Variants in WRN observed in about 807,000 individuals in gnomAD.
The protein encoded by WRN is WRN RecQ like helicase, also known as bifunctional 3'-5' exonuclease/ATP-dependent helicase WRN.
In WRN, 149 loss-of-function variants were observed where a neutral mutation model predicts 180.7. The observed-to-expected ratio is 0.82, with a 90% confidence interval of 0.72 to 0.94. WRN has a LOEUF of 0.94. Ranked by LOEUF, WRN falls within the 40% of genes least tolerant of loss-of-function variation. WRN has a pLI of 0.00. For synonymous variants in WRN, 548 were observed against 568.9 expected, an observed-to-expected ratio of 0.96 and a Z score of 0.52; for missense variants, 1,661 against 1,700.1, an observed-to-expected ratio of 0.98 and a Z score of 0.40.
chr8:31,163,636 TTGAG>T (rs778084235), intron 33 of WRN, among the ~76,000 whole-genome samples: 47 of 152,270 alleles, frequency 3.1e-4, no homozygotes, highest in Non-Finnish European at 5.4e-4. Context: ...TCTTTATTTA[TTGAG>T]TGTCTTTAAA....
intron 3 of WRN, among the ~76,000 whole-genome samples, chr8:31,060,241 TA>T (rs545650714): frequency 6.0e-5 from 9 of 151,176 alleles, no homozygotes; most frequent in South Asian, 2.1e-4. Context: ...ACCTGTCTTT[TA>T]AAAAAAAAAT....
At position 31,089,000 on chromosome 8, in the gene WRN, T is replaced by C. The variant is rs1220355114; in HGVS notation, c.1652+35T>C. On this transcript the variant is annotated intron_variant, in intron 13 of 34. Transcript: ENST00000298139. Reference sequence around the variant, plus strand: ...ATCTCATTTAATCAAATCACATATTTAGTATTCTCTTTAAAACAAGGGAAA... The same window carrying C: ...ATCTCATTTAATCAAATCACATATTCAGTATTCTCTTTAAAACAAGGGAAA... 2.5e-6 allele frequency: 4 copies of C among 1,575,470 alleles called. No homozygotes were observed. The South Asian group carries it at 4.5e-5, about 18-fold the overall frequency.
chr8:31,066,067 G>A (rs1012236234), intron 5 of WRN, among the ~76,000 whole-genome samples: 1 of 151,652 alleles, frequency 6.6e-6, no homozygotes, highest in Non-Finnish European at 1.5e-5. Context: ...TAGTAGAGAC[G>A]GGGTTTCTCC....
rs1006884728 is a variant in WRN at position 31,058,485 on chromosome 8, G to A, written c.38G>A (p.Arg13Gln). 8.7e-6 allele frequency: 14 copies of A among 1,613,760 alleles called. No homozygotes were observed. Among genetic ancestry groups the A allele is most frequent in the South Asian group, 2.2e-5 (2 of 91,032 alleles). Residue 13 changes from arginine to glutamine, a missense_variant, in exon 2 of 35, where the codon CGG becomes CAG. Physicochemically the swap from Arg to Gln is conservative, Grantham distance 43. Coordinates refer to ENST00000298139, the MANE Select transcript of WRN (RefSeq NM_000553.6). ...EKKLETTAQQ[R>Q]KCPEWMNVQN... ...AAATTGGAAACAACTGCACAGCAGC[G>A]GAAATGTCCTGAATGGATGAATGTG... is the stretch of plus-strand genomic sequence containing the variant.
At chr8:31,128,906 CA>C (rs368026057) in intron 23 of WRN, among the ~76,000 whole-genome samples, 201 of 151,368 alleles carry the variant, frequency 1.3e-3, no homozygotes, top group African/African-American at 4.7e-3. Flanking sequence ...AAAACAAAAA[CA>C]AAAAAACTAT....
intron 1 of WRN, among the ~76,000 whole-genome samples, chr8:31,049,340 TGGG>T (rs1175782868): frequency 6.7e-6 from 1 of 150,166 alleles, no homozygotes; most frequent in African/African-American, 2.5e-5. Flanking sequence ...AAGACCAGCC[TGGG>T]CAACATGGTG....
Position 31,175,774 on chromosome 8 carries a change from G to A in WRN, c.*2672G>A, listed in dbSNP as rs2130537525. ...TAGATCTGAGAATACAGCCACTTTT[G>A]TTAAGCCAGACAATGAGATTTGCAA... On this transcript the variant is annotated 3_prime_UTR_variant, in exon 35 of 35. Transcript: ENST00000298139. Among the ~76,000 whole-genome samples the A allele has an allele frequency of 6.6e-6, 1 of 152,306 alleles. No homozygotes were observed. The highest frequency in any genetic ancestry group is 2.1e-4 in the South Asian group (1 of 4,824).
At chr8:31,035,564 T>TA (rs1382816005) in intron 1 of WRN, among the ~76,000 whole-genome samples, 1 of 152,140 alleles carries the variant, frequency 6.6e-6, no homozygotes, top group Non-Finnish European at 1.5e-5. Flanking sequence ...TTATGGGCTA[T>TA]ATTGAAAATT....
At position 31,120,354 on chromosome 8, in the gene WRN, A is replaced by G. The variant is rs1434625727; in HGVS notation, c.2560A>G (p.Arg854Gly). ...DMESYYQEIG[R>G]AGRDGLQSSC... ...GGAATCATATTATCAGGAGATTGGT[A>G]GAGCTGGTCGTGATGGACTTCAAAG... Residue 854 changes from arginine (R) to glycine (G), a missense_variant, in exon 21 of 35, where the codon AGA (arginine) becomes GGA (glycine). Arg to Gly is a moderately radical substitution (Grantham distance 125, BLOSUM62 -2). This residue lies in a region of WRN where 1,141 missense variants were observed against 1,149.4 expected (regional missense o/e 0.99). Transcript: ENST00000298139. 2.5e-6 allele frequency: 4 copies of G among 1,612,766 alleles called. No homozygotes were observed. The African/African-American group carries it at 4.0e-5, about 16-fold the overall frequency.
intron 5 of WRN, 142 bp downstream of exon 5, chr8:31,065,205 T>C (rs993359544): frequency 1.5e-5 from 12 of 779,318 alleles, no homozygotes; most frequent in African/African-American, 1.4e-4. Flanking sequence ...TCCAAGTGAA[T>C]GTTCTTTAAT....
Position 31,076,184 on chromosome 8 carries a change from C to T in WRN, c.736C>T (p.Leu246=). The T allele has an allele frequency of 6.2e-7, 1 of 1,613,506 alleles. No homozygotes were observed. The highest frequency in any genetic ancestry group is 8.5e-7 in the Non-Finnish European group (1 of 1,179,710). ...RFAINKEEEI[L]LSDMNKQLTS... Reference sequence around the variant, plus strand: ...TTTTTTCCCCCTAGAGGAAGAAATCCTACTTAGCGACATGAACAAACAGTT... The same window carrying T: ...TTTTTTCCCCCTAGAGGAAGAAATCTTACTTAGCGACATGAACAAACAGTT... Residue 246 remains leucine, a synonymous_variant, in exon 8 of 35, where the codon CTA becomes TTA. Transcript: ENST00000298139.
chr8:31,172,810 G>A (rs1366651523), intron 34 of WRN, among the ~76,000 whole-genome samples, 185 bp from the exon 35 acceptor site: 2 of 152,186 alleles, frequency 1.3e-5, no homozygotes, highest in African/African-American at 2.4e-5. Flanking sequence ...ATGATGTAGT[G>A]ATTTTGTGTG....
chr8:31,075,487 G>A (rs1313053104), intron 7 of WRN, among the ~76,000 whole-genome samples: 2 of 151,984 alleles, frequency 1.3e-5, no homozygotes, highest in East Asian at 1.9e-4. Context: ...CAAGGTGGGC[G>A]GATCCCTTAG....
At position 31,081,231 on chromosome 8, in the gene WRN, C is replaced by T. The variant is rs779022285; in HGVS notation, c.1204C>T (p.Leu402Phe). 8 of 1,612,880 alleles carry T rather than the reference C, an allele frequency of 5.0e-6. No individual in the cohort carries two copies. Among genetic ancestry groups the T allele is most frequent in the Non-Finnish European group, 6.8e-6 (8 of 1,179,156 alleles). ...GTCGTTAGATATTACAGAACATGAACTCCAAATTTTGGAACAGCAGTCTCA... is the reference window on the plus strand; with the variant it reads ...GTCGTTAGATATTACAGAACATGAATTCCAAATTTTGGAACAGCAGTCTCA... ...LMSLDITEHE[L>F]QILEQQSQEE... Residue 402 changes from leucine (L) to phenylalanine (F), a missense_variant, in exon 9 of 35, where the codon CTC (leucine) becomes TTC (phenylalanine). Leu to Phe is a conservative substitution (Grantham distance 22). This residue lies in a region of WRN where 500 missense variants were observed against 504.1 expected (regional missense o/e 0.99). Coordinates refer to ENST00000298139, the MANE Select transcript of WRN (RefSeq NM_000553.6).
chr8:31,138,001 G>A (rs990478249), intron 24 of WRN, among the ~76,000 whole-genome samples: 2 of 152,090 alleles, frequency 1.3e-5, no homozygotes, highest in East Asian at 1.9e-4. Context: ...TGCTTGGGAC[G>A]CTGAGGTGGG....
chr8:31,140,017 T>G (rs965878253), intron 24 of WRN, among the ~76,000 whole-genome samples: 12 of 121,774 alleles, frequency 9.9e-5, no homozygotes, highest in South Asian at 3.1e-4. Flanking sequence ...TTTTTTTTTT[T>G]TTTTTTTTTT....
intron 5 of WRN, among the ~76,000 whole-genome samples, chr8:31,066,301 T>A (rs1812699932): frequency 6.6e-6 from 1 of 152,154 alleles, no homozygotes; most frequent in Non-Finnish European, 1.5e-5. Context: ...TTCTCCTGCC[T>A]CAGCCTCCCG....
chr8:31,074,285 G>A (rs1813020058), intron 7 of WRN, among the ~76,000 whole-genome samples: 1 of 152,106 alleles, frequency 6.6e-6, no homozygotes, highest in African/African-American at 2.4e-5. Flanking sequence ...CTTAGTTGCA[G>A]TTGGTTTGGG....
chr8:31,116,948 A>G (rs1418683735), intron 20 of WRN, among the ~76,000 whole-genome samples: 1 of 152,172 alleles, frequency 6.6e-6, no homozygotes, highest in African/African-American at 2.4e-5. Context: ...CTGGTATGGA[A>G]TGGTTGGAGG....
Sources: gnomAD v4.1 joint callset for allele counts (sites outside exome capture counted in the v4.1 genomes callset) on GRCh38, gnomAD v4.1.1 for gene constraint, gnomAD v4.1.1 regional missense constraint, MANE v1.5 for transcripts, NCBI Gene and HGNC (gene_info 2026-07-23, HGNC 2026-07-21) for gene names.